Variants in TRPM3 observed in about 807,000 individuals in gnomAD.
TRPM3 encodes long transient receptor potential channel 3.
A neutral mutation model predicts 181.2 loss-of-function variants in TRPM3; 77 were observed. The ratio of observed to expected loss-of-function variants is 0.42; its 90% confidence interval spans 0.35 to 0.51. TRPM3 has a LOEUF of 0.51. Among genes scored for constraint, TRPM3 ranks in the 20% least tolerant of loss-of-function variants. The probability of loss-of-function intolerance (pLI) is 0.01; values close to 1 mark genes in which losing one functional copy is unlikely to be tolerated. For synonymous variants in TRPM3, 745 were observed against 796.4 expected (o/e 0.94, Z 1.09); for missense variants, 1,759 against 2,196.7 (o/e 0.80, Z 3.98).
intron 1 of TRPM3, among the ~76,000 whole-genome samples, chr9:71,268,754 G>A (rs1164530294): frequency 6.6e-6 from 1 of 151,790 alleles, no homozygotes; most frequent in Non-Finnish European, 1.5e-5. Context: ...CCCAGGGAAC[G>A]GAGGTTGCAG....
At chr9:70,894,100 C>T (rs1016035568) in intron 1 of TRPM3, among the ~76,000 whole-genome samples, 2 of 152,102 alleles carry the variant, frequency 1.3e-5, no homozygotes, top group Admixed American at 6.6e-5. Flanking sequence ...TGAAAAGGTG[C>T]CCATAAGCCA....
At chr9:71,051,595 G>A (rs1299431124) in intron 1 of TRPM3, among the ~76,000 whole-genome samples, 1 of 151,962 alleles carries the variant, frequency 6.6e-6, no homozygotes, top group Non-Finnish European at 1.5e-5. Flanking sequence ...TGAAAATGGC[G>A]GCGGGGTGGG....
rs141753482 is a variant in TRPM3, at chr9:70,570,097, G to A, written c.3224-16787C>T. ...GAAATATTTAGTGCTCAAGATTGGC[G>A]TTGCTTTAGATTTTGGGACTCTGTA... On this transcript the variant is annotated intron_variant, in intron 22 of 25. Transcript: ENST00000677713. Among the ~76,000 whole-genome samples, 591 of 151,972 alleles carry A rather than the reference G, an allele frequency of 3.9e-3. 1 individual carries two copies. The highest frequency in any genetic ancestry group is 5.0e-3 in the Non-Finnish European group (342 of 67,984).
intron 1 of TRPM3, among the ~76,000 whole-genome samples, chr9:71,030,755 T>C (rs948868940): frequency 3.3e-5 from 5 of 152,188 alleles, no homozygotes; most frequent in African/African-American, 1.2e-4. Flanking sequence ...AAAGCAAATT[T>C]ATGAATCCAC....
At chr9:70,624,401 G>A (rs13440129) in intron 14 of TRPM3, among the ~76,000 whole-genome samples, 3,444 of 152,228 alleles carry the variant, frequency 0.023, 106 homozygotes, top group African/African-American at 0.073. Flanking sequence ...GCTCAAGCGA[G>A]TCTCCTGCCT....
intron 9 of TRPM3, among the ~76,000 whole-genome samples, chr9:70,659,146 G>A (rs188035989): frequency 6.6e-6 from 1 of 152,166 alleles, no homozygotes; most frequent in East Asian, 1.9e-4. Flanking sequence ...CTTTGTAATA[G>A]GACACAACTG....
chr9:71,377,198 T>C (rs1406530963), intron 1 of TRPM3, among the ~76,000 whole-genome samples: 1 of 152,058 alleles, frequency 6.6e-6, no homozygotes, highest in African/African-American at 2.4e-5. Context: ...ATAATGGCCA[T>C]TCATTAACAA....
intron 9 of TRPM3, among the ~76,000 whole-genome samples, chr9:70,657,940 AGTT>A (rs1332871380): frequency 6.6e-6 from 1 of 152,134 alleles, no homozygotes; most frequent in Non-Finnish European, 1.5e-5. Context: ...AAATAAATTC[AGTT>A]TCTATAAATT....
chr9:70,664,627 C>G (rs766836593), intron 9 of TRPM3, among the ~76,000 whole-genome samples: 15 of 147,646 alleles, frequency 1.0e-4, no homozygotes, highest in African/African-American at 3.8e-4. Flanking sequence ...CAACCACACC[C>G]GATTAGGAGA....
In TRPM3 at chr9:71,407,252, T is replaced by G. The variant is rs141580963; in HGVS notation, c.183+39401A>C. Among the ~76,000 whole-genome samples the G allele has an allele frequency of 1.8e-3, 278 of 152,208 alleles. 2 individuals carry two copies. The highest frequency in any genetic ancestry group is 2.1e-3 in the East Asian group (11 of 5,156). On this transcript the variant is annotated intron_variant, in intron 1 of 24. Transcript: ENST00000357533. ...TGGACAGTGGGTGCAGCCCATGAAG[T>G]GTGAGCTGAAGCACAGTGGGGCATC...
chr9:71,266,202 G>A (rs1285566349), intron 1 of TRPM3, among the ~76,000 whole-genome samples: 1 of 152,154 alleles, frequency 6.6e-6, no homozygotes, highest in Non-Finnish European at 1.5e-5. Context: ...AAGCTTTTCT[G>A]GGTTCTTGCC....
intron 24 of TRPM3, among the ~76,000 whole-genome samples, chr9:70,550,879 A>G (rs1014836039): frequency 1.3e-5 from 2 of 152,240 alleles, no homozygotes; most frequent in South Asian, 4.1e-4. Context: ...TCCTGAGGTG[A>G]GGAAGACCTG....
chr9:71,318,363 G>A (rs953920564), intron 1 of TRPM3, among the ~76,000 whole-genome samples: 3 of 151,986 alleles, frequency 2.0e-5, no homozygotes, highest in African/African-American at 4.8e-5. Flanking sequence ...CTACAAATTT[G>A]TACAGGATTT....
chr9:70,621,412 T>A, intron 14 of TRPM3, 139 bp from the exon 15 acceptor site: 1 of 482,068 alleles, frequency 2.1e-6, no homozygotes, highest in Non-Finnish European at 3.5e-6. Context: ...TCACCTGAGT[T>A]GGAGTGTAGA....
intron 1 of TRPM3, among the ~76,000 whole-genome samples, chr9:71,242,471 G>C (rs2081768606): frequency 6.6e-6 from 1 of 152,190 alleles, no homozygotes; most frequent in Non-Finnish European, 1.5e-5. Flanking sequence ...AATGCCAATG[G>C]AAGAATTTAG....
At chr9:70,592,931 C>T (rs2058371629) in intron 21 of TRPM3, among the ~76,000 whole-genome samples, 1 of 151,988 alleles carries the variant, frequency 6.6e-6, no homozygotes, top group African/African-American at 2.4e-5. Flanking sequence ...GGGGTTTCAC[C>T]ATCTTGGCCA....
chr9:70,632,610 C>G (rs537920017), intron 12 of TRPM3, among the ~76,000 whole-genome samples: 1 of 152,184 alleles, frequency 6.6e-6, no homozygotes, highest in Non-Finnish European at 1.5e-5. Context: ...CAGTTCAGTA[C>G]TATTCTTGGT....
chr9:70,755,990 T>C (rs1409149208), intron 8 of TRPM3, among the ~76,000 whole-genome samples: 1 of 152,042 alleles, frequency 6.6e-6, no homozygotes, highest in Non-Finnish European at 1.5e-5. Context: ...ACCTTAAATG[T>C]AAACAGGCTA....
At chr9:70,634,113 T>G (rs2066424995) in intron 12 of TRPM3, among the ~76,000 whole-genome samples, 1 of 152,202 alleles carries the variant, frequency 6.6e-6, no homozygotes, top group Non-Finnish European at 1.5e-5. Flanking sequence ...ATTATAATAA[T>G]AAAATAATAA....
Sources: gnomAD v4.1 joint callset for allele counts (sites outside exome capture counted in the v4.1 genomes callset) on GRCh38, gnomAD v4.1.1 for gene constraint, MANE v1.5 for transcripts, NCBI Gene and HGNC (gene_info 2026-07-23, HGNC 2026-07-21) for gene names.